Variants in SFXN1 observed in about 807,000 individuals in gnomAD.
SFXN1 encodes the protein sideroflexin 1.
In SFXN1, 32 loss-of-function variants were observed where a neutral mutation model predicts 39.5. That is an observed-to-expected ratio of 0.81 (90% CI 0.61 to 1.09). The LOEUF is 1.09. Among genes scored for constraint, SFXN1 ranks in the 50% least tolerant of loss-of-function variants. The pLI is 0.00. For missense variants in SFXN1, 402 were observed against 407.1 expected, an observed-to-expected ratio of 0.99 and a Z score of 0.11; for synonymous variants, 136 against 146.5, an observed-to-expected ratio of 0.93 and a Z score of 0.52.
At chr5:175,502,852 T>TAAA (rs1760135620) in intron 2 of SFXN1, among the ~76,000 whole-genome samples, 1 of 149,326 alleles carries the variant, frequency 6.7e-6, no homozygotes, top group African/African-American at 2.5e-5. Context: ...AAAATAATAA[T>TAAA]AATAATAATA....
chr5:175,495,832 T>C (rs975387427), intron 2 of SFXN1, among the ~76,000 whole-genome samples: 1 of 151,746 alleles, frequency 6.6e-6, no homozygotes, highest in African/African-American at 2.4e-5. Context: ...AAGTGATGAA[T>C]GTTGAAACAC....
At chr5:175,488,405 C>T (rs974990324) in intron 1 of SFXN1, among the ~76,000 whole-genome samples, 1 of 151,898 alleles carries the variant, frequency 6.6e-6, no homozygotes, top group Non-Finnish European at 1.5e-5. Flanking sequence ...CAGGTTCAAG[C>T]CACTCTCCTG....
At chr5:175,526,466 A>AT (rs561411728) in intron 10 of SFXN1, among the ~76,000 whole-genome samples, 172 bp from the exon 11 acceptor site, 205 of 152,162 alleles carry the variant, frequency 1.3e-3, no homozygotes, top group African/African-American at 4.6e-3. Context: ...TATGAGTGAC[A>AT]TTTTTCTGAA....
chr5:175,526,569 C>T, intron 10 of SFXN1, 69 bp from the exon 11 acceptor site: 1 of 1,302,082 alleles, frequency 7.7e-7, no homozygotes, highest in East Asian at 2.3e-5. Flanking sequence ...TGCCTTCTCC[C>T]TGCTCTTTCT....
intron 1 of SFXN1, among the ~76,000 whole-genome samples, chr5:175,490,805 A>G (rs573297917): frequency 2.6e-5 from 4 of 152,160 alleles, no homozygotes; most frequent in Non-Finnish European, 5.9e-5. Flanking sequence ...GTGTAGTTAT[A>G]TATCCAAAAT....
chr5:175,497,444 C>T (rs1004424146), intron 2 of SFXN1, among the ~76,000 whole-genome samples: 3 of 152,056 alleles, frequency 2.0e-5, no homozygotes, highest in Non-Finnish European at 2.9e-5. Flanking sequence ...AAATGGCTAA[C>T]ATTAAAAAGC....
intron 8 of SFXN1, among the ~76,000 whole-genome samples, chr5:175,521,253 T>A (rs370333653): frequency 2.8e-5 from 4 of 144,580 alleles, no homozygotes; most frequent in Admixed American, 6.9e-5. Context: ...TCATTTCCAT[T>A]AAAAAAAAAA....
At position 175,528,427 on chromosome 5, in the gene SFXN1, T is replaced by C. The variant is rs1227493915; in HGVS notation, c.*1693T>C. 1.3e-5 allele frequency: 2 copies of C among 152,214 alleles called. No homozygotes were observed. Among genetic ancestry groups the C allele is most frequent in the Non-Finnish European group, 2.9e-5 (2 of 68,072 alleles). The allele number at this position is 152,214 out of a possible 1,614,324, so 9.4% of individuals were successfully genotyped here. Reference sequence around the variant, plus strand: ...TCAGGAACTTGAGCATCTGCAGATATTGGTATCGGAGGGCGGTCCTGGAAC... The same window carrying C: ...TCAGGAACTTGAGCATCTGCAGATACTGGTATCGGAGGGCGGTCCTGGAAC... On this transcript the variant is annotated 3_prime_UTR_variant, in exon 11 of 11. Coordinates refer to ENST00000321442, the MANE Select transcript of SFXN1 (RefSeq NM_022754.7).
chr5:175,503,532 T>A (rs1191464487), intron 2 of SFXN1, among the ~76,000 whole-genome samples: 1 of 152,248 alleles, frequency 6.6e-6, no homozygotes, highest in Non-Finnish European at 1.5e-5. Context: ...AGCCACATCT[T>A]GATAGATGCC....
At chr5:175,486,655 G>A (rs894543912) in intron 1 of SFXN1, among the ~76,000 whole-genome samples, 1 of 152,136 alleles carries the variant, frequency 6.6e-6, no homozygotes, top group Non-Finnish European at 1.5e-5. Context: ...GCAGACGCCT[G>A]TAGTCCTAGC....
Position 175,509,106 on chromosome 5 carries a change from A to T in SFXN1, c.239A>T (p.His80Leu), listed in dbSNP as rs1760418826. The T allele has an allele frequency of 6.2e-7, 1 of 1,613,926 alleles. No individual in the cohort carries two copies. The highest frequency in any genetic ancestry group is 1.7e-5 in the Admixed American group (1 of 59,948). ...AAGTACATCTATGATTCAGCTTTTC[A>T]TCCTGACACTGGTGAGAAGATGATT... ...RAKYIYDSAF[H>L]PDTGEKMILI... Residue 80 changes from histidine to leucine, a missense_variant, in exon 3 of 11, where the codon CAT becomes CTT. Coordinates refer to ENST00000321442, the MANE Select transcript of SFXN1 (RefSeq NM_022754.7).
At chr5:175,515,593 C>T (rs1760688503) in intron 7 of SFXN1, among the ~76,000 whole-genome samples, 1 of 152,154 alleles carries the variant, frequency 6.6e-6, no homozygotes, top group African/African-American at 2.4e-5. Flanking sequence ...TCTCCAATTT[C>T]CTCCATTTTA....
intron 10 of SFXN1, chr5:175,524,158 A>C (rs1310327618): frequency 1.8e-5 from 2 of 110,854 alleles, no homozygotes; most frequent in Admixed American, 2.1e-4. Flanking sequence ...ATATATATAT[A>C]TATATATATA....
chr5:175,509,316 A>G lies in SFXN1; in HGVS notation c.335+114A>G. On this transcript the variant is annotated intron_variant, in intron 3 of 10. Transcript: ENST00000321442. ...TATTATTTCATAAGTATATGAAGTG[A>G]CAAACAAGGTAATTAGCTTGATTGA... 5.8e-6 allele frequency: 6 copies of G among 1,031,616 alleles called. No individual in the cohort carries two copies. In the South Asian group the frequency reaches 1.1e-4, roughly 20 times the overall value. The allele number at this position is 1,031,616 out of a possible 1,614,324, so 63.9% of individuals were successfully genotyped here.
At chr5:175,499,512 G>C (rs188358475) in intron 2 of SFXN1, among the ~76,000 whole-genome samples, 1 of 152,140 alleles carries the variant, frequency 6.6e-6, no homozygotes, top group African/African-American at 2.4e-5. Flanking sequence ...TGCAAGATTG[G>C]TTTAACATTT....
Position 175,513,674 on chromosome 5 carries a change from A to G in SFXN1, c.724+84A>G, listed in dbSNP as rs1374135723. ...CGTGAACCAGAAAACAAACACATAT[A>G]TCACACCTCTTAGTGGAAATTGCCT... On this transcript the variant is annotated intron_variant, in intron 7 of 10. Transcript: ENST00000321442. 6.3e-6 allele frequency: 9 copies of G among 1,424,074 alleles called. No homozygotes were observed. The South Asian group carries it at 8.5e-5, about 13-fold the overall frequency. The allele number at this position is 1,424,074 out of a possible 1,614,324, so 88.2% of individuals were successfully genotyped here. A position where few individuals can be genotyped will look rare whatever the true frequency, so the allele number is the denominator to read the frequency against.
At chr5:175,505,654 T>C (rs1760265518) in intron 2 of SFXN1, among the ~76,000 whole-genome samples, 1 of 151,962 alleles carries the variant, frequency 6.6e-6, no homozygotes, top group Admixed American at 6.6e-5. Flanking sequence ...GGACGGTTGC[T>C]CTACCCAAGA....
intron 2 of SFXN1, among the ~76,000 whole-genome samples, chr5:175,507,161 C>G (rs1760338106): frequency 6.6e-6 from 1 of 152,028 alleles, no homozygotes; most frequent in African/African-American, 2.4e-5. Context: ...TCATCTCTGC[C>G]TCCTTCATTA....
chr5:175,486,964 G>T (rs1420663315), intron 1 of SFXN1, among the ~76,000 whole-genome samples: 1 of 152,178 alleles, frequency 6.6e-6, no homozygotes, highest in Non-Finnish European at 1.5e-5. Flanking sequence ...GAAAAATAGT[G>T]ATAGTGAGAA....
Sources: allele counts gnomAD v4.1 joint callset (sites outside exome capture counted in the v4.1 genomes callset), GRCh38; gene constraint gnomAD v4.1.1; transcripts MANE v1.5; gene names NCBI Gene and HGNC (gene_info 2026-07-23, HGNC 2026-07-21).